The following SNTG2 variants were observed in gnomAD, a reference collection of about 807,000 sequenced individuals.
SNTG2 encodes the protein gamma-2-syntrophin.
SNTG2 carries 74 observed loss-of-function variants against 70.9 expected under a neutral mutation model. The observed-to-expected ratio is 1.04, with a 90% CI of 0.86 to 1.27. The LOEUF is 1.27. SNTG2 is among the 50% of genes most tolerant of loss of function. The pLI is 0.00. For missense variants in SNTG2, 717 were observed against 690.7 expected (o/e 1.04, Z -0.43); for synonymous variants, 278 against 273.8 (o/e 1.02, Z -0.15).
At chr2:1,193,144 T>C (rs889767951) in intron 8 of SNTG2, among the ~76,000 whole-genome samples, 1 of 152,192 alleles carries the variant, frequency 6.6e-6, no homozygotes, top group African/African-American at 2.4e-5. Context: ...TTCCTCATTG[T>C]TGTAATAGCT....
intron 1 of SNTG2, among the ~76,000 whole-genome samples, chr2:1,006,400 T>G (rs1659572792): frequency 2.5e-5 from 1 of 40,050 alleles, no homozygotes; most frequent in South Asian, 5.0e-4. Context: ...AAAGTAGAAT[T>G]TCAAAAAAAA....
intron 13 of SNTG2, among the ~76,000 whole-genome samples, chr2:1,261,354 A>T (rs1678404391): frequency 6.6e-6 from 1 of 152,266 alleles, no homozygotes; most frequent in Non-Finnish European, 1.5e-5. Flanking sequence ...TTCTTTAAAT[A>T]TCCATAATTA....
intron 1 of SNTG2, among the ~76,000 whole-genome samples, chr2:1,075,175 A>C (rs1663836226): frequency 6.6e-6 from 1 of 152,232 alleles, no homozygotes; most frequent in African/African-American, 2.4e-5. Flanking sequence ...ATAATTAAAC[A>C]GACACATGTG....
At chr2:1,190,251 A>G (rs573162222) in intron 8 of SNTG2, among the ~76,000 whole-genome samples, 1 of 152,080 alleles carries the variant, frequency 6.6e-6, no homozygotes, top group Admixed American at 6.6e-5. Context: ...ATAAAATGGT[A>G]TAATTATTTG....
At chr2:1,286,685 G>A (rs1450786150) in intron 14 of SNTG2, among the ~76,000 whole-genome samples, 1 of 152,188 alleles carries the variant, frequency 6.6e-6, no homozygotes, top group Admixed American at 6.5e-5. Flanking sequence ...TTTCCATGAT[G>A]GAAGAGGTCC....
intron 4 of SNTG2, among the ~76,000 whole-genome samples, chr2:1,103,215 T>A (rs1019779419): frequency 6.6e-6 from 1 of 152,154 alleles, no homozygotes; most frequent in East Asian, 1.9e-4. Context: ...AGTGAGATTG[T>A]ATATTTTGGG....
At chr2:996,990 A>G (rs973961880) in intron 1 of SNTG2, among the ~76,000 whole-genome samples, 4 of 152,114 alleles carry the variant, frequency 2.6e-5, no homozygotes, top group African/African-American at 9.7e-5. Context: ...GTGTCTGGTC[A>G]TCAACTCAGC....
At chr2:1,259,172 C>G (rs940927554) in intron 12 of SNTG2, among the ~76,000 whole-genome samples, 198 bp from the exon 13 acceptor site, 1 of 152,138 alleles carries the variant, frequency 6.6e-6, no homozygotes, top group Non-Finnish European at 1.5e-5. Flanking sequence ...ATATTTGCCA[C>G]AAACTGACAA....
At chr2:1,271,982 C>T (rs980611693) in intron 14 of SNTG2, among the ~76,000 whole-genome samples, 2 of 152,138 alleles carry the variant, frequency 1.3e-5, no homozygotes, top group Non-Finnish European at 2.9e-5. Flanking sequence ...TGTGAACCAA[C>T]ATCCACCCTG....
At chr2:1,005,840 TA>T (rs1659550820) in intron 1 of SNTG2, among the ~76,000 whole-genome samples, 1 of 18,908 alleles carries the variant, frequency 5.3e-5, no homozygotes, top group South Asian at 2.1e-3. Context: ...TATATATATA[TA>T]TATATATATA....
chr2:993,862 T>G (rs540756834), intron 1 of SNTG2, among the ~76,000 whole-genome samples: 55 of 152,284 alleles, frequency 3.6e-4, no homozygotes, highest in African/African-American at 1.3e-3. Context: ...CTTTTTCGGT[T>G]GTGAGTGTTT....
chr2:1,083,519 C>A lies in SNTG2; in HGVS notation c.74C>A (p.Thr25Lys), dbSNP rs757302617. ...RQGCLLVPAR[T>K]KTTIALLYDE... ...TGTGTTTCCACTTTGTCCCTACAGA[C>A]GAAAACCACTATTGCTCTGTTGTAT... Residue 25 changes from threonine (T) to lysine (K), a missense_variant and splice_region_variant, in exon 2 of 17, where the codon ACG becomes AAG. Thr to Lys is a moderately conservative substitution (Grantham distance 78). Transcript: ENST00000308624. The A allele has an allele frequency of 1.2e-5, 19 of 1,613,560 alleles. No individual in the cohort carries two copies. The highest frequency in any genetic ancestry group is 1.5e-5 in the Non-Finnish European group (18 of 1,179,628).
At chr2:1,292,378 A>G (rs1482149273) in intron 14 of SNTG2, among the ~76,000 whole-genome samples, 2 of 151,984 alleles carry the variant, frequency 1.3e-5, no homozygotes, top group African/African-American at 2.4e-5. Flanking sequence ...GATGTCTAGT[A>G]TTGTGTGGAA....
chr2:1,003,295 A>T (rs1458764443), intron 1 of SNTG2, among the ~76,000 whole-genome samples: 1 of 152,186 alleles, frequency 6.6e-6, no homozygotes, highest in East Asian at 1.9e-4. Context: ...TGAATCTATT[A>T]TGGGAGGATG....
chr2:1,287,976 G>C (rs960028474), intron 14 of SNTG2, among the ~76,000 whole-genome samples: 1 of 53,336 alleles, frequency 1.9e-5, no homozygotes, highest in East Asian at 7.4e-4. Flanking sequence ...CCTGGGGCGA[G>C]CCCAGCTTCC....
intron 14 of SNTG2, among the ~76,000 whole-genome samples, chr2:1,290,313 C>T (rs1372631864): frequency 8.0e-6 from 1 of 124,706 alleles, no homozygotes; most frequent in South Asian, 3.0e-4. Context: ...GGAAGTTCTA[C>T]ATCCTTTTTT....
At chr2:1,203,595 A>G (rs1018902365) in intron 8 of SNTG2, among the ~76,000 whole-genome samples, 4 of 150,178 alleles carry the variant, frequency 2.7e-5, no homozygotes, top group Non-Finnish European at 4.4e-5. Flanking sequence ...CTGGGGTTGC[A>G]GTGAGCCGAG....
chr2:1,251,005 T>A (rs1319213316), intron 12 of SNTG2, among the ~76,000 whole-genome samples: 2 of 152,246 alleles, frequency 1.3e-5, no homozygotes, highest in Non-Finnish European at 2.9e-5. Flanking sequence ...CTTGGCACCA[T>A]CTCCATTCTC....
chr2:1,241,911 C>T (rs941468566), intron 11 of SNTG2, among the ~76,000 whole-genome samples: 1 of 152,184 alleles, frequency 6.6e-6, no homozygotes, highest in East Asian at 1.9e-4. Flanking sequence ...CCAAACCCTT[C>T]TCTGGTGTTG....
Sources: allele counts gnomAD v4.1 joint callset (sites outside exome capture counted in the v4.1 genomes callset), GRCh38; gene constraint gnomAD v4.1.1; transcripts MANE v1.5; gene names NCBI Gene and HGNC (gene_info 2026-07-23, HGNC 2026-07-21).